Variants in SEPTIN11 observed in about 807,000 individuals in gnomAD.
The protein encoded by SEPTIN11 is septin-11.
A neutral mutation model predicts 51.4 loss-of-function variants in SEPTIN11; 25 were observed. The observed-to-expected ratio is 0.49, with a 90% CI of 0.35 to 0.68. The LOEUF (loss-of-function observed/expected upper bound fraction) is 0.68, where lower values mean the gene tolerates loss of function less well. SEPTIN11 is among the 30% of genes least tolerant of loss of function. The pLI is 0.00. For synonymous variants in SEPTIN11, 174 were observed against 184.1 expected, an observed-to-expected ratio of 0.95 and a Z score of 0.44; for missense variants, 381 against 520.8, an observed-to-expected ratio of 0.73 and a Z score of 2.61.
At chr4:76,993,974 CTGATTCTTTCCCAGGAT>C (rs1214428640) in intron 1 of SEPTIN11, among the ~76,000 whole-genome samples, 2 of 152,088 alleles carry the variant, frequency 1.3e-5, no homozygotes, top group African/African-American at 4.8e-5. Flanking sequence ...ATTACTAACT[CTGATTCTTTCCCAGGAT>C]TGGTTCATAG....
In SEPTIN11 at chr4:77,014,931, A is replaced by G. The variant is rs547138375; in HGVS notation, c.601A>G (p.Met201Val). ...ACTGCACAAATTCAAGAGTAAGATC[A>G]TGAGTGAACTGGTCAGCAATGGGGT... ...NELHKFKSKI[M>V]SELVSNGVQI... The change falls in exon 5 of 10, where the codon ATG becomes GTG. Residue 201 changes from methionine (M) to valine (V), a missense_variant. By Grantham distance (21) the Met-to-Val change is conservative. Coordinates refer to ENST00000264893, the MANE Select transcript of SEPTIN11 (RefSeq NM_018243.4). The G allele has an allele frequency of 2.5e-6, 4 of 1,614,040 alleles. No homozygotes were observed. Among genetic ancestry groups the G allele is most frequent in the African/African-American group, 1.3e-5 (1 of 75,070 alleles).
In SEPTIN11 at chr4:77,011,753, A is replaced by C. The variant is rs780055583; in HGVS notation, c.357A>C (p.Glu119Asp). 4 of 1,614,004 alleles carry C rather than the reference A, an allele frequency of 2.5e-6. No homozygotes were observed. In the South Asian group the frequency reaches 4.4e-5, roughly 18 times the overall value. The stretch of plus-strand genomic sequence containing the variant: ...ATTCTAGCTATAAGCCGATAGTAGA[A>C]TATATTGATGCCCAGTTCGAGGCCT... ...NKDDSYKPIV[E>D]YIDAQFEAYL... is the part of the protein sequence containing the mutation. Residue 119 changes from glutamate to aspartate, a missense_variant, in exon 4 of 10, where the codon GAA (glutamate) becomes GAC (aspartate). By Grantham distance (45) the Glu-to-Asp change is conservative (BLOSUM62 2). This residue lies in a region of SEPTIN11 where 184 missense variants were observed against 207.7 expected (regional missense o/e 0.89). Transcript: ENST00000264893.
Position 77,005,781 on chromosome 4 carries a change from T to A in SEPTIN11, c.323T>A (p.Ile108Lys), listed in dbSNP as rs752613701. The A allele has an allele frequency of 3.7e-6, 6 of 1,613,644 alleles. No homozygotes were observed. Among genetic ancestry groups the A allele is most frequent in the Non-Finnish European group, 5.1e-6 (6 of 1,179,732 alleles). Residue 108 changes from isoleucine (I) to lysine (K), a missense_variant, in exon 3 of 10, where the codon ATA (isoleucine) becomes AAA (lysine). This residue lies in a region of SEPTIN11 where 184 missense variants were observed against 207.7 expected (regional missense o/e 0.89). Transcript: ENST00000264893. ...IVDTVGFGDQ[I>K]NKDDSYKPIV... ...GACACCGTGGGATTTGGAGACCAGA[T>A]AAATAAAGATGACAGGTACATCTTG... is the stretch of plus-strand genomic sequence containing the variant.
chr4:77,004,987 A>C (rs1288804901), intron 2 of SEPTIN11, among the ~76,000 whole-genome samples: 1 of 152,194 alleles, frequency 6.6e-6, no homozygotes, highest in Non-Finnish European at 1.5e-5. Flanking sequence ...AAATACATAT[A>C]TACATACATA....
chr4:77,031,175 C>A, intron 9 of SEPTIN11: 1 of 532,388 alleles, frequency 1.9e-6, no homozygotes. Flanking sequence ...AACTTTACCA[C>A]AATTGACCAA....
chr4:76,993,412 G>A (rs1212053087), intron 1 of SEPTIN11, among the ~76,000 whole-genome samples: 1 of 152,120 alleles, frequency 6.6e-6, no homozygotes, highest in Non-Finnish European at 1.5e-5. Context: ...TAACGACATG[G>A]AATATATGCA....
At chr4:76,990,179 C>T (rs1265921716) in intron 1 of SEPTIN11, among the ~76,000 whole-genome samples, 1 of 152,118 alleles carries the variant, frequency 6.6e-6, no homozygotes, top group Admixed American at 6.5e-5. Context: ...TACTTTTAGA[C>T]TCCTCCTGAT....
At chr4:76,961,403 C>T (rs1441643935) in intron 1 of SEPTIN11, among the ~76,000 whole-genome samples, 14 of 152,134 alleles carry the variant, frequency 9.2e-5, no homozygotes, top group Non-Finnish European at 1.5e-4. Flanking sequence ...GCCCTATTTC[C>T]GCTACAAAAC....
rs569769007 is a variant in SEPTIN11 at position 77,037,173 on chromosome 4, C to A, written c.*2661C>A. ...GGCCTGGAGTTCAAGACCACCTTGGCGAACACGGTGAAACCCCGTCTCTAC... is the reference window on the plus strand; with the variant it reads ...GGCCTGGAGTTCAAGACCACCTTGGAGAACACGGTGAAACCCCGTCTCTAC... On this transcript the variant is annotated 3_prime_UTR_variant, in exon 10 of 10. Coordinates refer to ENST00000264893, the MANE Select transcript of SEPTIN11 (RefSeq NM_018243.4). 1.9e-5 allele frequency: 13 copies of A among 693,836 alleles called. No individual in the cohort carries two copies. Among genetic ancestry groups the A allele is most frequent in the Non-Finnish European group, 2.3e-5 (13 of 562,304 alleles). 43.0% of individuals were successfully genotyped at this position (693,836 alleles called of 1,614,324 possible). A position where few individuals can be genotyped will look rare whatever the true frequency, so the allele number is the denominator to read the frequency against.
At chr4:77,030,653 C>T (rs1726556223) in intron 8 of SEPTIN11, 130 bp from the exon 9 acceptor site, 2 of 783,840 alleles carry the variant, frequency 2.6e-6, no homozygotes, top group South Asian at 4.0e-5. Flanking sequence ...CCTCGGCCTC[C>T]CAAAGTGCTG....
At chr4:77,027,686 G>T (rs1333122866) in intron 7 of SEPTIN11, among the ~76,000 whole-genome samples, 1 of 152,196 alleles carries the variant, frequency 6.6e-6, no homozygotes, top group East Asian at 1.9e-4. Flanking sequence ...AACAATTGTT[G>T]TAGGGAAACT....
Position 77,016,653 on chromosome 4 carries a change from TATAC to T in SEPTIN11, c.687+1638_687+1641del, listed in dbSNP as rs1352840399. On this transcript the variant is annotated intron_variant, in intron 5 of 9. Transcript: ENST00000264893. ...ATACACATATATATATATATATATA[TATAC>T]ACATATATATATATATATGGCCAGG... 5.6e-5 allele frequency among the ~76,000 whole-genome samples: 7 copies of T among 123,944 alleles called. 1 individual carries two copies. Among genetic ancestry groups the T allele is most frequent in the Admixed American group, 1.7e-4 (2 of 11,884 alleles). 81.3% of individuals were successfully genotyped at this position (123,944 alleles called of 152,430 possible). A position where few individuals can be genotyped will look rare whatever the true frequency, so the allele number is the denominator to read the frequency against.
At chr4:77,019,131 G>A (rs1343737219) in intron 5 of SEPTIN11, 34 bp from the exon 6 acceptor site, 7 of 1,587,134 alleles carry the variant, frequency 4.4e-6, no homozygotes, top group Admixed American at 3.5e-5. Flanking sequence ...CAGAGCAGGG[G>A]AAAGTAACTA....
In SEPTIN11 at chr4:76,984,709, C is replaced by CAGG. The variant is rs1217279872; in HGVS notation, c.28-11715_28-11713dup. The stretch of plus-strand genomic sequence containing the variant: ...TTGAAGATATTCCATAGGATAAAGA[C>CAGG]AGGGCAGGAGGGACAAAAATGACCC... On this transcript the variant is annotated intron_variant, in intron 1 of 9. Transcript: ENST00000264893. This position sits in a 1 kb window ranked among gnomAD's most constrained non-coding sequence, Gnocchi z 4.1. Among the ~76,000 whole-genome samples, 4 of 152,106 alleles carry CAGG rather than the reference C, an allele frequency of 2.6e-5. No homozygotes were observed. Among genetic ancestry groups the CAGG allele is most frequent in the African/African-American group, 9.7e-5 (4 of 41,416 alleles).
intron 8 of SEPTIN11, among the ~76,000 whole-genome samples, chr4:77,030,123 G>T (rs143256014): frequency 6.6e-6 from 1 of 152,188 alleles, no homozygotes; most frequent in African/African-American, 2.4e-5. Context: ...GGGTGTGGTG[G>T]CGCATGCCCA....
At chr4:76,959,474 A>G (rs962993101) in intron 1 of SEPTIN11, among the ~76,000 whole-genome samples, 1 of 151,942 alleles carries the variant, frequency 6.6e-6, no homozygotes, top group African/African-American at 2.4e-5. Flanking sequence ...ACTTTTCTAT[A>G]ATTTTCATTT....
intron 1 of SEPTIN11, among the ~76,000 whole-genome samples, chr4:76,967,158 C>T (rs557887434): frequency 6.6e-6 from 1 of 152,208 alleles, no homozygotes; most frequent in South Asian, 2.1e-4. Flanking sequence ...GATCATGCCC[C>T]TTTACTGCAG....
intron 3 of SEPTIN11, among the ~76,000 whole-genome samples, chr4:77,009,222 C>T (rs1448285407): frequency 1.3e-5 from 2 of 152,182 alleles, no homozygotes; most frequent in Non-Finnish European, 2.9e-5. Flanking sequence ...CAGGTTGAAT[C>T]CCAGGTTTCT....
Position 77,036,519 on chromosome 4 carries a change from C to T in SEPTIN11, c.*2007C>T, listed in dbSNP as rs950932941. The T allele has an allele frequency of 2.5e-5, 34 of 1,369,296 alleles. No homozygotes were observed. The African/African-American group carries it at 3.7e-4, about 15-fold the overall frequency. 84.8% of individuals were successfully genotyped at this position (1,369,296 alleles called of 1,614,324 possible). ...AATTTTTTTAAAATGAGCATAACAA[C>T]GAAAGGCATCCAGCTGACTTTTTGA... On this transcript the variant is annotated 3_prime_UTR_variant, in exon 10 of 10. Coordinates refer to ENST00000264893, the MANE Select transcript of SEPTIN11 (RefSeq NM_018243.4).
Sources: allele counts gnomAD v4.1 joint callset (sites outside exome capture counted in the v4.1 genomes callset), GRCh38; gene constraint gnomAD v4.1.1; regional missense constraint gnomAD v4.1.1; non-coding constraint Gnocchi (gnomAD v3.1); transcripts MANE v1.5; gene names NCBI Gene and HGNC (gene_info 2026-07-23, HGNC 2026-07-21).